Variants in SLC5A7 observed in about 807,000 individuals in gnomAD.
SLC5A7 encodes solute carrier family 5 member 7.
SLC5A7 carries 19 observed loss-of-function variants against 55.4 expected under a neutral mutation model. The observed-to-expected ratio is 0.34, with a 90% CI of 0.24 to 0.50. The LOEUF is 0.50. Ranked by LOEUF, SLC5A7 falls within the 20% of genes least tolerant of loss-of-function variation. The probability of loss-of-function intolerance (pLI) is 0.98; values close to 1 mark genes in which losing one functional copy is unlikely to be tolerated. For missense variants in SLC5A7, 506 were observed against 705.3 expected (o/e 0.72, Z 3.20); for synonymous variants, 265 against 263.7 (o/e 1.00, Z -0.05).
chr2:107,989,284 T>C (rs1394508810), intron 2 of SLC5A7, among the ~76,000 whole-genome samples: 1 of 152,124 alleles, frequency 6.6e-6, no homozygotes, highest in Non-Finnish European at 1.5e-5. Context: ...CCATGGGAAA[T>C]GATATCAAGT....
intron 2 of SLC5A7, among the ~76,000 whole-genome samples, chr2:107,988,703 G>A (rs1359092307): frequency 7.5e-6 from 1 of 133,492 alleles, no homozygotes; most frequent in African/African-American, 2.7e-5. Flanking sequence ...GTGATAGGCA[G>A]CATCTCAACG....
intron 4 of SLC5A7, among the ~76,000 whole-genome samples, chr2:107,993,702 A>G (rs1381078514): frequency 6.6e-6 from 1 of 152,224 alleles, no homozygotes; most frequent in Non-Finnish European, 1.5e-5. Flanking sequence ...GTTGCATGTT[A>G]TTCTAAAAGC....
intron 5 of SLC5A7, among the ~76,000 whole-genome samples, chr2:108,001,235 ACAGT>A (rs1021755685): frequency 7.3e-5 from 11 of 151,684 alleles, no homozygotes; most frequent in African/African-American, 1.7e-4. Flanking sequence ...GTGTAGATAG[ACAGT>A]CAGAGATAGA....
chr2:107,987,957 G>T (rs1677311403), intron 1 of SLC5A7, 148 bp from the exon 2 acceptor site: 3 of 425,296 alleles, frequency 7.1e-6, no homozygotes, highest in East Asian at 3.3e-5. Flanking sequence ...GACACTTATT[G>T]TTAACTGCCC....
chr2:107,994,400 A>T (rs541850971), intron 4 of SLC5A7, among the ~76,000 whole-genome samples: 1 of 152,164 alleles, frequency 6.6e-6, no homozygotes, highest in East Asian at 1.9e-4. Context: ...TGGCCAACAT[A>T]GTGAAACCCC....
chr2:107,988,688 TTAATGTGA>T (rs1677336615), intron 2 of SLC5A7, among the ~76,000 whole-genome samples: 1 of 150,874 alleles, frequency 6.6e-6, no homozygotes, highest in South Asian at 2.1e-4. Context: ...TATCTGCTAA[TTAATGTGA>T]TAGGCAGCAT....
Position 108,002,001 on chromosome 2 carries a change from A to T in SLC5A7, c.702A>T (p.Ser234=), listed in dbSNP as rs1346875157. The change falls in exon 6 of 9, where the codon TCA becomes TCT. Residue 234 remains serine (S), a synonymous_variant. Coordinates refer to ENST00000264047, the MANE Select transcript of SLC5A7 (RefSeq NM_021815.5). ...AGCCGTGGCTGGGAACTGTTGACTCATCTGAAGTCTACTCTTGGCTTGATA... is the reference window on the plus strand; with the variant it reads ...AGCCGTGGCTGGGAACTGTTGACTCTTCTGAAGTCTACTCTTGGCTTGATA... ...YQKPWLGTVD[S]SEVYSWLDSF... The T allele has an allele frequency of 1.9e-6, 3 of 1,614,096 alleles. No homozygotes were observed. The highest frequency in any genetic ancestry group is 2.5e-6 in the Non-Finnish European group (3 of 1,180,028).
At chr2:108,007,507 T>C (rs1573614451) in intron 7 of SLC5A7, among the ~76,000 whole-genome samples, 1 of 151,884 alleles carries the variant, frequency 6.6e-6, no homozygotes, top group East Asian at 1.9e-4. Context: ...TGTGTGTCTG[T>C]GTGTGTGTGT....
In SLC5A7 at chr2:108,010,785, C is replaced by T; in HGVS notation, c.1667C>T (p.Thr556Ile). ...CGACAGAGCATGACCCTCAGCTCAACTTTCACCAATAAAGAGGCCTTCCTT... is the reference window on the plus strand; with the variant it reads ...CGACAGAGCATGACCCTCAGCTCAATTTTCACCAATAAAGAGGCCTTCCTT... The part of the protein sequence containing the change: ...KPRQSMTLSS[T>I]FTNKEAFLDV... Residue 556 changes from threonine (T) to isoleucine (I), a missense_variant, in exon 9 of 9, where the codon ACT (threonine) becomes ATT (isoleucine). Thr to Ile is a moderately conservative substitution (Grantham distance 89). This residue lies in a region of SLC5A7 where 137 missense variants were observed against 143.6 expected (regional missense o/e 0.95). Transcript: ENST00000264047. 1 of 1,613,400 alleles carries T rather than the reference C, an allele frequency of 6.2e-7. No homozygotes were observed. Among genetic ancestry groups the T allele is most frequent in the Non-Finnish European group, 8.5e-7 (1 of 1,179,814 alleles).
chr2:107,997,566 A>G (rs1455177125), intron 4 of SLC5A7, among the ~76,000 whole-genome samples: 1 of 152,232 alleles, frequency 6.6e-6, no homozygotes, highest in Non-Finnish European at 1.5e-5. Flanking sequence ...TCAGTAATTC[A>G]GGGTCTTCTA....
At chr2:107,998,555 T>C (rs908645778) in intron 5 of SLC5A7, among the ~76,000 whole-genome samples, 3 of 152,228 alleles carry the variant, frequency 2.0e-5, no homozygotes, top group African/African-American at 7.2e-5. Flanking sequence ...ATTAGCACTA[T>C]ATTAAAAGCA....
At chr2:107,990,416 A>G (rs1677410532) in intron 2 of SLC5A7, among the ~76,000 whole-genome samples, 1 of 152,148 alleles carries the variant, frequency 6.6e-6, no homozygotes. Context: ...TAAAACATTG[A>G]CGTGTTAGCA....
In SLC5A7 at chr2:107,992,918, G is replaced by C. The variant is rs959383559; in HGVS notation, c.293-54G>C. ...CTTGATAAATGGCAGCATAGTAAAA[G>C]ACTATTATATTACATTCTTTTTATT... On this transcript the variant is annotated intron_variant, in intron 3 of 8. Transcript: ENST00000264047. 1.9e-6 allele frequency: 3 copies of C among 1,583,900 alleles called. No individual in the cohort carries two copies. In the South Asian group the frequency reaches 3.4e-5, roughly 18 times the overall value.
intron 5 of SLC5A7, among the ~76,000 whole-genome samples, chr2:107,999,827 T>C (rs916432334): frequency 5.9e-5 from 9 of 152,144 alleles, no homozygotes; most frequent in Admixed American, 6.5e-5. Context: ...ATAATCCTTT[T>C]TAGTACCGAT....
chr2:108,003,442 A>G (rs1425251395), intron 6 of SLC5A7, among the ~76,000 whole-genome samples: 1 of 152,232 alleles, frequency 6.6e-6, no homozygotes, highest in Non-Finnish European at 1.5e-5. Context: ...TGACTTAGTC[A>G]TATTCATGAT....
intron 4 of SLC5A7, among the ~76,000 whole-genome samples, chr2:107,993,458 C>G (rs1677532531): frequency 2.6e-5 from 4 of 152,186 alleles, no homozygotes; most frequent in African/African-American, 9.7e-5. Context: ...GTGCAGTTTA[C>G]TTAACATAAA....
chr2:107,990,693 C>T (rs1278042553), intron 2 of SLC5A7, among the ~76,000 whole-genome samples: 2 of 152,178 alleles, frequency 1.3e-5, no homozygotes, highest in Non-Finnish European at 2.9e-5. Flanking sequence ...TAAATGTACT[C>T]AAAATTCCTA....
intron 2 of SLC5A7, among the ~76,000 whole-genome samples, chr2:107,991,063 CA>C (rs1677434565): frequency 6.6e-6 from 1 of 152,138 alleles, no homozygotes; most frequent in South Asian, 2.1e-4. Flanking sequence ...TCCTCTTCAA[CA>C]TTAGTTTTTC....
At chr2:108,001,628 C>G (rs1420783953) in intron 5 of SLC5A7, among the ~76,000 whole-genome samples, 2 of 147,992 alleles carry the variant, frequency 1.4e-5, no homozygotes, top group African/African-American at 5.0e-5. Context: ...AGCCGAGATC[C>G]CGCCACTGCA....
Sources: gnomAD v4.1 joint callset for allele counts (sites outside exome capture counted in the v4.1 genomes callset) on GRCh38, gnomAD v4.1.1 for gene constraint, gnomAD v4.1.1 regional missense constraint, MANE v1.5 for transcripts, NCBI Gene and HGNC (gene_info 2026-07-23, HGNC 2026-07-21) for gene names.